The following PTPRE variants were observed in gnomAD, a reference collection of about 807,000 sequenced individuals.
The protein encoded by PTPRE is receptor-type tyrosine-protein phosphatase epsilon.
PTPRE carries 51 observed loss-of-function variants against 102.0 expected under a neutral mutation model. The observed-to-expected ratio is 0.50, with a 90% CI of 0.40 to 0.63. The LOEUF is 0.63. Among genes scored for constraint, PTPRE ranks in the 30% least tolerant of loss-of-function variants. The pLI is 0.00. For synonymous variants in PTPRE, 345 were observed against 348.2 expected (o/e 0.99, Z 0.10); for missense variants, 752 against 915.1 (o/e 0.82, Z 2.30).
At chr10:127,933,100 A>G (rs2042684169) in intron 1 of PTPRE, among the ~76,000 whole-genome samples, 1 of 152,194 alleles carries the variant, frequency 6.6e-6, no homozygotes, top group Non-Finnish European at 1.5e-5. Context: ...GTGCACCCGG[A>G]TGATCCAGGA....
At chr10:127,995,861 G>A (rs1272382549) in intron 2 of PTPRE, among the ~76,000 whole-genome samples, 4 of 144,900 alleles carry the variant, frequency 2.8e-5, no homozygotes, top group Non-Finnish European at 4.6e-5. Context: ...ACACACGCAC[G>A]CAAAGTATTG....
At chr10:128,065,982 G>C in intron 10 of PTPRE, 93 bp from the exon 11 acceptor site, 1 of 1,564,362 alleles carries the variant, frequency 6.4e-7, no homozygotes, top group African/African-American at 1.4e-5. Context: ...GACTCCAGCT[G>C]GTGTGTGTGA....
intron 1 of PTPRE, among the ~76,000 whole-genome samples, chr10:127,973,753 G>A (rs1026047431): frequency 6.6e-6 from 1 of 152,070 alleles, no homozygotes; most frequent in Non-Finnish European, 1.5e-5. Context: ...TGTGAAGGAT[G>A]CATCATTTTC....
chr10:128,072,352 C>T (rs949055730), intron 16 of PTPRE, 138 bp downstream of exon 16: 1 of 812,514 alleles, frequency 1.2e-6, no homozygotes, highest in Non-Finnish European at 1.9e-6. Flanking sequence ...AGCAGAATTA[C>T]TTGCTTAAAA....
At chr10:127,954,554 C>A (rs61873692) in intron 1 of PTPRE, among the ~76,000 whole-genome samples, 7,730 of 152,234 alleles carry the variant, frequency 0.051, 285 homozygotes, top group Middle Eastern at 0.078. Flanking sequence ...CAGCAGTGGG[C>A]TCATGCTCGT....
intron 1 of PTPRE, among the ~76,000 whole-genome samples, chr10:127,935,356 G>A (rs572097449): frequency 1.4e-3 from 206 of 152,258 alleles, no homozygotes; most frequent in African/African-American, 4.7e-3. Context: ...GCGCTGGTGG[G>A]CGTGTGAGAT....
intron 8 of PTPRE, 81 bp from the exon 9 acceptor site, chr10:128,061,598 G>T (rs1483632810): frequency 1.3e-6 from 2 of 1,502,638 alleles, no homozygotes; most frequent in African/African-American, 2.8e-5. Context: ...AATATGTACT[G>T]CTTTCCTAAC....
At chr10:128,066,707 AAGAC>A (rs1356059550) in intron 11 of PTPRE, among the ~76,000 whole-genome samples, 1 of 152,256 alleles carries the variant, frequency 6.6e-6, no homozygotes, top group Non-Finnish European at 1.5e-5. Context: ...CCATAGAGAA[AAGAC>A]AGAAGACCAT....
rs183836120 is a variant in PTPRE at position 127,971,289 on chromosome 10, C to T, written c.-30-10985C>T. 1.4e-4 allele frequency among the ~76,000 whole-genome samples: 22 copies of T among 152,324 alleles called. No individual in the cohort carries two copies. The East Asian group carries it at 4.2e-3, about 29-fold the overall frequency. Reference sequence around the variant, plus strand: ...CCCAGTGGGCATAGGGAGCCCAGCCCAAGACGAAGTATCAGGGAGCTGTTG... The same window carrying T: ...CCCAGTGGGCATAGGGAGCCCAGCCTAAGACGAAGTATCAGGGAGCTGTTG... On this transcript the variant is annotated intron_variant, in intron 1 of 20. Coordinates refer to ENST00000254667, the MANE Select transcript of PTPRE (RefSeq NM_006504.6).
At chr10:127,923,137 T>C (rs964760594) in intron 1 of PTPRE, among the ~76,000 whole-genome samples, 4 of 152,250 alleles carry the variant, frequency 2.6e-5, no homozygotes, top group African/African-American at 7.2e-5. Flanking sequence ...TGGCGTGCCA[T>C]TCTTTTGACA....
At chr10:128,010,951 G>A (rs1443594939) in intron 2 of PTPRE, among the ~76,000 whole-genome samples, 2 of 152,166 alleles carry the variant, frequency 1.3e-5, no homozygotes, top group Non-Finnish European at 2.9e-5. Context: ...CAGGCAGAAG[G>A]TTCGTGTCCC....
rs539908780 is a variant in PTPRE, at chr10:127,951,780, G to A, written c.-30-30494G>A. Among the ~76,000 whole-genome samples the A allele has an allele frequency of 1.2e-4, 18 of 152,344 alleles. No individual in the cohort carries two copies. In the South Asian group the frequency reaches 3.7e-3, roughly 32 times the overall value. On this transcript the variant is annotated intron_variant, in intron 1 of 20. Transcript: ENST00000254667. ...ACCTGGAGGGACTGCAGAGATTAGT[G>A]CCACCATCAAGGACTTGAAAGATGC...
intron 1 of PTPRE, among the ~76,000 whole-genome samples, chr10:127,980,404 G>T (rs1320959586): frequency 1.3e-5 from 2 of 151,244 alleles, no homozygotes; most frequent in South Asian, 4.2e-4. Flanking sequence ...GCCTCTAGTG[G>T]CTATTTTTGA....
intron 1 of PTPRE, among the ~76,000 whole-genome samples, chr10:127,947,160 A>T (rs1158236711): frequency 6.6e-6 from 1 of 152,190 alleles, no homozygotes; most frequent in Non-Finnish European, 1.5e-5. Flanking sequence ...TTTAAAAAAA[A>T]TACTCTTGTG....
chr10:128,044,675 AC>A (rs1847948263), intron 3 of PTPRE, among the ~76,000 whole-genome samples: 1 of 152,104 alleles, frequency 6.6e-6, no homozygotes, highest in African/African-American at 2.4e-5. Context: ...CTTCAGGATG[AC>A]CACCCTGGGG....
chr10:127,912,316 A>G (rs1322486905), intron 1 of PTPRE, among the ~76,000 whole-genome samples: 1 of 152,230 alleles, frequency 6.6e-6, no homozygotes, highest in Admixed American at 6.5e-5. Flanking sequence ...AAAAATAAAC[A>G]TATCCTTTTA....
chr10:128,051,917 G>T (rs1270110289), intron 6 of PTPRE, among the ~76,000 whole-genome samples: 1 of 152,204 alleles, frequency 6.6e-6, no homozygotes, highest in African/African-American at 2.4e-5. Flanking sequence ...AGGCTGGAGT[G>T]CAGGGGCCTG....
chr10:128,068,246 C>T lies in PTPRE; in HGVS notation c.967C>T (p.Leu323Phe), dbSNP rs1850450841. 1.2e-6 allele frequency: 2 copies of T among 1,614,164 alleles called. No individual in the cohort carries two copies. Among genetic ancestry groups the T allele is most frequent in the Non-Finnish European group, 1.7e-6 (2 of 1,179,998 alleles). ...MLKFLKKVKT[L>F]NPVHAGPIVV... is the part of the protein sequence containing the mutation. ...GAAGTTCCTCAAGAAAGTAAAGACGCTCAACCCCGTGCACGCTGGGCCCAT... is the reference window on the plus strand; with the variant it reads ...GAAGTTCCTCAAGAAAGTAAAGACGTTCAACCCCGTGCACGCTGGGCCCAT... Residue 323 changes from leucine to phenylalanine, a missense_variant, in exon 12 of 21, where the codon CTC becomes TTC. Coordinates refer to ENST00000254667, the MANE Select transcript of PTPRE (RefSeq NM_006504.6).
chr10:127,914,493 G>A (rs950940231), intron 1 of PTPRE, among the ~76,000 whole-genome samples: 1 of 152,176 alleles, frequency 6.6e-6, no homozygotes, highest in Non-Finnish European at 1.5e-5. Flanking sequence ...AAAAAGGCTA[G>A]GTTGTTACTG....
Sources: gnomAD v4.1 joint callset for allele counts (sites outside exome capture counted in the v4.1 genomes callset) on GRCh38, gnomAD v4.1.1 for gene constraint, MANE v1.5 for transcripts, NCBI Gene and HGNC (gene_info 2026-07-23, HGNC 2026-07-21) for gene names.